Variants in OR52A1 observed in about 807,000 individuals in gnomAD.
The protein encoded by OR52A1 is olfactory receptor 52A1.
OR52A1 carries 14 observed loss-of-function variants against 14.3 expected under a neutral mutation model. The ratio of observed to expected loss-of-function variants is 0.98; its 90% CI spans 0.65 to 1.54. The LOEUF (loss-of-function observed/expected upper bound fraction) is 1.54, where lower values mean the gene tolerates loss of function less well. Among genes scored for constraint, OR52A1 ranks in the 40% most tolerant of loss-of-function variants. OR52A1 has a pLI of 0.00. For synonymous variants in OR52A1, 151 were observed against 135.3 expected, an observed-to-expected ratio of 1.12 and a Z score of -0.80; for missense variants, 405 against 381.3, an observed-to-expected ratio of 1.06 and a Z score of -0.52.
At chr11:5,154,295 ATT>A (rs1346680390) in intron 1 of OR52A1, among the ~76,000 whole-genome samples, 150 bp downstream of exon 1, 1 of 152,200 alleles carries the variant, frequency 6.6e-6, no homozygotes, top group Non-Finnish European at 1.5e-5. Context: ...GGATAGAGTG[ATT>A]GTTATTGGAG....
intron 1 of OR52A1, among the ~76,000 whole-genome samples, chr11:5,153,104 T>C (rs907511914): frequency 2.6e-5 from 4 of 152,310 alleles, no homozygotes; most frequent in African/African-American, 9.6e-5. Context: ...ATGTTGTGAG[T>C]TTAAAATTTT....
rs149780852 is a variant in OR52A1 at position 5,148,814 on chromosome 11, C to A, written c.*2617G>T. The stretch of plus-strand genomic sequence containing the variant: ...GTACTTCACATAAAGAATGTACAAA[C>A]GGAAAAGAAGATAGCAGCACAAATA... On this transcript the variant is annotated 3_prime_UTR_variant, in exon 2 of 2. Transcript: ENST00000380367. 1 of 151,924 alleles carries A rather than the reference C, an allele frequency of 6.6e-6. No individual in the cohort carries two copies. The highest frequency in any genetic ancestry group is 1.9e-4 in the East Asian group (1 of 5,192). 9.4% of individuals were successfully genotyped at this position (151,924 alleles called of 1,614,324 possible). A position where few individuals can be genotyped will look rare whatever the true frequency, so the allele number is the denominator to read the frequency against.
In OR52A1 at chr11:5,147,160, A is replaced by G. The variant is rs1846489071; in HGVS notation, c.*4271T>C. ...ACGTGGATGAATTCCTACAAGCTTT[A>G]TTTTGTCCCAATATTATTCTTTAGT... is the stretch of plus-strand genomic sequence containing the variant. On this transcript the variant is annotated 3_prime_UTR_variant, in exon 2 of 2. Transcript: ENST00000380367. 2 of 144,698 alleles carry G rather than the reference A, an allele frequency of 1.4e-5. No individual in the cohort carries two copies. The highest frequency in any genetic ancestry group is 5.0e-5 in the African/African-American group (2 of 40,282). The allele number at this position is 144,698 out of a possible 1,614,324, so 9.0% of individuals were successfully genotyped here.
In OR52A1 at chr11:5,151,829, A is replaced by T; in HGVS notation, c.541T>A (p.Tyr181Asn). 6.2e-7 allele frequency: 1 copy of T among 1,614,178 alleles called. No individual in the cohort carries two copies. The highest frequency in any genetic ancestry group is 8.5e-7 in the Non-Finnish European group (1 of 1,180,018). Residue 181 changes from tyrosine to asparagine, a missense_variant, in exon 2 of 2, where the codon TAC becomes AAC. Transcript: ENST00000380367. ...TTCACAATGGCCATATGCTCACAGTAGGAGTGGGAGATGACTGTTGTGTGA... is the reference window on the plus strand; with the variant it reads ...TTCACAATGGCCATATGCTCACAGTTGGAGTGGGAGATGACTGTTGTGTGA... ...FYHTTVISHS[Y>N]CEHMAIVKLA...
chr11:5,153,165 G>A (rs931495580), intron 1 of OR52A1, among the ~76,000 whole-genome samples: 19 of 152,310 alleles, frequency 1.2e-4, no homozygotes, highest in African/African-American at 4.6e-4. Context: ...GGGACAAGAT[G>A]AGCAGCAGCA....
rs1214737552 is a variant in OR52A1 at position 5,151,870 on chromosome 11, C to G, written c.500G>C (p.Cys167Ser). The G allele has an allele frequency of 1.2e-6, 2 of 1,614,026 alleles. No homozygotes were observed. The highest frequency in any genetic ancestry group is 1.7e-5 in the Admixed American group (1 of 60,002). ...TGTTGTGTGATAAAATTGAAACCGG[C>G]ACTTTATCAGTACTAGGCATGGGGC... ...LVAPCLVLIKCRFQFYHTTVI... is the reference protein window; with the variant it reads ...LVAPCLVLIKSRFQFYHTTVI... The change falls in exon 2 of 2, where the codon TGC becomes TCC. Residue 167 changes from cysteine to serine, a missense_variant. Transcript: ENST00000380367.
At chr11:5,153,522 T>C (rs1308988516) in intron 1 of OR52A1, among the ~76,000 whole-genome samples, 3 of 152,204 alleles carry the variant, frequency 2.0e-5, no homozygotes, top group Non-Finnish European at 4.4e-5. Context: ...TTAGTCACTT[T>C]TCAATTTCAC....
chr11:5,151,915 A>G lies in OR52A1; in HGVS notation c.455T>C (p.Leu152Pro). The change falls in exon 2 of 2, where the codon CTC becomes CCC. Residue 152 changes from leucine (L) to proline (P), a missense_variant. Coordinates refer to ENST00000380367, the MANE Select transcript of OR52A1 (RefSeq NM_012375.3). ...TGGGGCTACAAGAATAGCAGCCCTG[A>G]GTACGACCATAGTTCCTATCTGAAT... ...LVIQIGTMVV[L>P]RAAILVAPCL... 1 of 1,614,128 alleles carries G rather than the reference A, an allele frequency of 6.2e-7. No homozygotes were observed. The highest frequency in any genetic ancestry group is 2.2e-5 in the East Asian group (1 of 44,882).
In OR52A1 at chr11:5,151,893, G is replaced by A. The variant is rs747453667; in HGVS notation, c.477C>T (p.Ala159=). Reference sequence around the variant, plus strand: ...GGCACTTTATCAGTACTAGGCATGGGGCTACAAGAATAGCAGCCCTGAGTA... The same window carrying A: ...GGCACTTTATCAGTACTAGGCATGGAGCTACAAGAATAGCAGCCCTGAGTA... ...MVVLRAAILV[A]PCLVLIKCRF... is the part of the protein sequence containing the mutation. Residue 159 remains alanine (A), a synonymous_variant, in exon 2 of 2, where the codon GCC becomes GCT. Coordinates refer to ENST00000380367, the MANE Select transcript of OR52A1 (RefSeq NM_012375.3). 21 of 1,613,924 alleles carry A rather than the reference G, an allele frequency of 1.3e-5. No homozygotes were observed. In the Admixed American group the frequency reaches 3.0e-4, roughly 23 times the overall value.
Position 5,147,281 on chromosome 11 carries a change from T to C in OR52A1, c.*4150A>G, listed in dbSNP as rs967741135. ...TTTTCACACTGAATAGTTGTATGTGTCAATTTGATTGGGGCACAATGCCCA... is the reference window on the plus strand; with the variant it reads ...TTTTCACACTGAATAGTTGTATGTGCCAATTTGATTGGGGCACAATGCCCA... On this transcript the variant is annotated 3_prime_UTR_variant, in exon 2 of 2. Transcript: ENST00000380367. 1 of 152,238 alleles carries C rather than the reference T, an allele frequency of 6.6e-6. No individual in the cohort carries two copies. Among genetic ancestry groups the C allele is most frequent in the Non-Finnish European group, 1.5e-5 (1 of 68,062 alleles). The allele number at this position is 152,238 out of a possible 1,614,324, so 9.4% of individuals were successfully genotyped here.
intron 1 of OR52A1, among the ~76,000 whole-genome samples, chr11:5,153,819 C>CT (rs58039145): frequency 0.19 from 22,716 of 118,702 alleles, 2,189 homozygotes; most frequent in South Asian, 0.26. Context: ...GAAAAAGCAG[C>CT]TTTTTTTTTT....
intron 1 of OR52A1, among the ~76,000 whole-genome samples, chr11:5,153,264 T>G (rs1846570037): frequency 6.6e-6 from 1 of 152,232 alleles, no homozygotes; most frequent in African/African-American, 2.4e-5. Context: ...GAGTCCAGTT[T>G]CCTGGTTTTA....
rs767646984 is a variant in OR52A1 at position 5,149,405 on chromosome 11, G to T, written c.*2026C>A. The T allele has an allele frequency of 1.3e-5, 2 of 151,774 alleles. No homozygotes were observed. Among genetic ancestry groups the T allele is most frequent in the Non-Finnish European group, 2.9e-5 (2 of 67,986 alleles). 9.4% of individuals were successfully genotyped at this position (151,774 alleles called of 1,614,324 possible). On this transcript the variant is annotated 3_prime_UTR_variant, in exon 2 of 2. Coordinates refer to ENST00000380367, the MANE Select transcript of OR52A1 (RefSeq NM_012375.3). ...CCTGGCCTACTTCCTGTTTTCTATA[G>T]TCCACTAGTTAAGAATGATTTTTAC...
chr11:5,151,278 C>T lies in OR52A1; in HGVS notation c.*153G>A. 1 of 642,068 alleles carries T rather than the reference C, an allele frequency of 1.6e-6. No individual in the cohort carries two copies. The highest frequency in any genetic ancestry group is 2.7e-6 in the Non-Finnish European group (1 of 364,068). 39.8% of individuals were successfully genotyped at this position (642,068 alleles called of 1,614,324 possible). ...ATTAGTCACGTAGAATTCACAATCC[C>T]ACTGATTGATATGAGCCATGATGAT... On this transcript the variant is annotated 3_prime_UTR_variant, in exon 2 of 2. Transcript: ENST00000380367.
At position 5,151,210 on chromosome 11, in the gene OR52A1, A is replaced by G. The variant is rs1846535420; in HGVS notation, c.*221T>C. 2.5e-6 allele frequency: 1 copy of G among 406,074 alleles called. No individual in the cohort carries two copies. The allele number at this position is 406,074 out of a possible 1,614,324, so 25.2% of individuals were successfully genotyped here. ...GGCTAAAGAATAAAAGAGAAAAAATAATATATATTCACTACTTCACTCATT... is the reference window on the plus strand; with the variant it reads ...GGCTAAAGAATAAAAGAGAAAAAATGATATATATTCACTACTTCACTCATT... On this transcript the variant is annotated 3_prime_UTR_variant, in exon 2 of 2. Coordinates refer to ENST00000380367, the MANE Select transcript of OR52A1 (RefSeq NM_012375.3).
rs919848038 is a variant in OR52A1 at position 5,149,064 on chromosome 11, T to C, written c.*2367A>G. 33 of 152,190 alleles carry C rather than the reference T, an allele frequency of 2.2e-4. No individual in the cohort carries two copies. The highest frequency in any genetic ancestry group is 2.1e-4 in the Non-Finnish European group (14 of 68,018). The allele number at this position is 152,190 out of a possible 1,614,324, so 9.4% of individuals were successfully genotyped here. A position where few individuals can be genotyped will look rare whatever the true frequency, so the allele number is the denominator to read the frequency against. On this transcript the variant is annotated 3_prime_UTR_variant, in exon 2 of 2. Transcript: ENST00000380367. The stretch of plus-strand genomic sequence containing the variant: ...TATTATCTTTCAAGCAATTTTATGT[T>C]AAAGATTTTTTTTCAATAATTGTCC...
Position 5,151,426 on chromosome 11 carries a change from G to A in OR52A1, c.*5C>T, listed in dbSNP as rs1457404306. The A allele has an allele frequency of 6.3e-7, 1 of 1,593,352 alleles. No individual in the cohort carries two copies. Among genetic ancestry groups the A allele is most frequent in the Admixed American group, 1.7e-5 (1 of 57,676 alleles). ...AAAGCATGTAGGCATTAATTAAGGTGGATTTTATGAACAGAACATTTTTAC... is the reference window on the plus strand; with the variant it reads ...AAAGCATGTAGGCATTAATTAAGGTAGATTTTATGAACAGAACATTTTTAC... On this transcript the variant is annotated 3_prime_UTR_variant, in exon 2 of 2. Transcript: ENST00000380367.
Position 5,151,604 on chromosome 11 carries a change from G to A in OR52A1, c.766C>T (p.Leu256Phe), listed in dbSNP as rs765713254. 9 of 1,614,120 alleles carry A rather than the reference G, an allele frequency of 5.6e-6. No individual in the cohort carries two copies. Among genetic ancestry groups the A allele is most frequent in the Admixed American group, 3.3e-5 (2 of 60,012 alleles). ...AHICVFLQFY[L>F]LAFFSFFTHR... Reference sequence around the variant, plus strand: ...GTGAAGAAGGAGAAGAAGGCAAGGAGGTAGAACTGGAGGAAGACACAGATG... The same window carrying A: ...GTGAAGAAGGAGAAGAAGGCAAGGAAGTAGAACTGGAGGAAGACACAGATG... The change falls in exon 2 of 2, where the codon CTC becomes TTC. Residue 256 changes from leucine to phenylalanine, a missense_variant. Coordinates refer to ENST00000380367, the MANE Select transcript of OR52A1 (RefSeq NM_012375.3).
Position 5,151,303 on chromosome 11 carries a change from T to A in OR52A1, c.*128A>T, listed in dbSNP as rs1455016247. ...CACTGATTGATATGAGCCATGATGA[T>A]CTAAAACCAGCTATTGTGCTGGCAG... On this transcript the variant is annotated 3_prime_UTR_variant, in exon 2 of 2. Transcript: ENST00000380367. 2.7e-6 allele frequency: 2 copies of A among 747,990 alleles called. No individual in the cohort carries two copies. Among genetic ancestry groups the A allele is most frequent in the East Asian group, 4.9e-5 (2 of 40,712 alleles). The allele number at this position is 747,990 out of a possible 1,614,324, so 46.3% of individuals were successfully genotyped here. A position where few individuals can be genotyped will look rare whatever the true frequency, so the allele number is the denominator to read the frequency against.
Sources: gnomAD v4.1 joint callset for allele counts (sites outside exome capture counted in the v4.1 genomes callset) on GRCh38, gnomAD v4.1.1 for gene constraint, MANE v1.5 for transcripts, NCBI Gene and HGNC (gene_info 2026-07-23, HGNC 2026-07-21) for gene names.